The following PCDHGB4 variants were observed in gnomAD, a reference collection of about 807,000 sequenced individuals.
PCDHGB4 encodes the protein protocadherin gamma-B4.
PCDHGB4 carries 38 observed loss-of-function variants against 60.5 expected under a neutral mutation model. The observed-to-expected ratio is 0.63, with a 90% CI of 0.48 to 0.82. The LOEUF is 0.82. PCDHGB4 is among the 40% of genes least tolerant of loss of function. PCDHGB4 has a pLI of 0.00. For missense variants in PCDHGB4, 1,109 were observed against 1,209.6 expected, an observed-to-expected ratio of 0.92 and a Z score of 1.23; for synonymous variants, 456 against 509.7, an observed-to-expected ratio of 0.89 and a Z score of 1.42.
chr5:141,398,789 C>G (rs1400897772), intron 1 of PCDHGB4: 5 of 1,613,778 alleles, frequency 3.1e-6, no homozygotes, highest in Non-Finnish European at 4.2e-6. Context: ...GGACATCCAC[C>G]CCTAAGCGGC....
intron 1 of PCDHGB4, chr5:141,409,843 C>G: frequency 6.2e-7 from 1 of 1,611,804 alleles, no homozygotes; most frequent in Non-Finnish European, 8.5e-7. Context: ...CCAACGTGAG[C>G]CTGCGCGTGT....
chr5:141,432,650 G>T lies in PCDHGB4; in HGVS notation c.2397+42369G>T. 6.2e-7 allele frequency: 1 copy of T among 1,613,868 alleles called. No individual in the cohort carries two copies. The highest frequency in any genetic ancestry group is 1.1e-5 in the South Asian group (1 of 91,064). On this transcript the variant is annotated intron_variant, in intron 1 of 3. Transcript: ENST00000519479. The surrounding 1 kb of genome is among the most constrained non-coding windows in gnomAD (Gnocchi z 6.0). The stretch of plus-strand genomic sequence containing the variant: ...CACGGGCGAGGTGCGCACGGCGCGA[G>T]CCCTGCTGGACAGAGACGCGCTCAA...
chr5:141,404,215 G>A, intron 1 of PCDHGB4: 1 of 1,613,346 alleles, frequency 6.2e-7, no homozygotes, highest in Non-Finnish European at 8.5e-7. Context: ...ATAATATCAC[G>A]GTGACTGCAA....
At chr5:141,422,806 C>T (rs868426196) in intron 1 of PCDHGB4, 2 of 1,614,208 alleles carry the variant, frequency 1.2e-6, no homozygotes, top group Non-Finnish European at 1.7e-6. Flanking sequence ...TGAGCAGTTT[C>T]GAGACTTAGA....
chr5:141,399,559 G>C, intron 1 of PCDHGB4: 1 of 1,614,038 alleles, frequency 6.2e-7, no homozygotes, highest in Non-Finnish European at 8.5e-7. Context: ...CCTGGACTTG[G>C]GGTTGAACGG....
chr5:141,477,298 T>C lies in PCDHGB4; in HGVS notation c.2398-17509T>C. ...TGGTGACCTGCGAAGTTCCACCGGG[T>C]CTCCCTTTCAGCCTTACTTCTTCCC... On this transcript the variant is annotated intron_variant, in intron 1 of 3. Coordinates refer to ENST00000519479, the MANE Select transcript of PCDHGB4 (RefSeq NM_003736.4). This position sits in a 1 kb window ranked among gnomAD's most constrained non-coding sequence, Gnocchi z 4.9. 1 of 1,613,344 alleles carries C rather than the reference T, an allele frequency of 6.2e-7. No individual in the cohort carries two copies. Among genetic ancestry groups the C allele is most frequent in the Non-Finnish European group, 8.5e-7 (1 of 1,179,870 alleles).
At chr5:141,462,547 T>G (rs534942187) in intron 1 of PCDHGB4, among the ~76,000 whole-genome samples, 1 of 152,330 alleles carries the variant, frequency 6.6e-6, no homozygotes, top group African/African-American at 2.4e-5. Flanking sequence ...TCTTTTCTTC[T>G]TCAGTGTTTA....
intron 2 of PCDHGB4, among the ~76,000 whole-genome samples, chr5:141,496,991 G>T (rs1164558685): frequency 6.6e-6 from 1 of 151,902 alleles, no homozygotes; most frequent in African/African-American, 2.4e-5. Context: ...TTTGAGACCA[G>T]CCTGGCAGCC....
At chr5:141,394,290 G>C (rs759077173) in intron 1 of PCDHGB4, 5 of 1,613,918 alleles carry the variant, frequency 3.1e-6, no homozygotes, top group Admixed American at 1.7e-5. Context: ...CTCTGTGACC[G>C]AGGACACGCT....
chr5:141,420,683 G>A (rs1308504595), intron 1 of PCDHGB4, among the ~76,000 whole-genome samples: 1 of 152,190 alleles, frequency 6.6e-6, no homozygotes, highest in Non-Finnish European at 1.5e-5. Context: ...ATTTTATCGG[G>A]ACCGTATTAT....
intron 1 of PCDHGB4, chr5:141,419,315 C>G (rs2096357855): frequency 1.2e-6 from 2 of 1,613,998 alleles, no homozygotes; most frequent in Non-Finnish European, 1.7e-6. Flanking sequence ...GCTCAACGGC[C>G]GTGTCTCCTA....
intron 1 of PCDHGB4, chr5:141,394,242 CACGACCCCG>C (rs1450725417): frequency 1.2e-6 from 2 of 1,613,838 alleles, no homozygotes; most frequent in Non-Finnish European, 1.7e-6. Flanking sequence ...CTTGACTGCA[CACGACCCCG>C]ACAGCCAGGA....
chr5:141,390,518 T>G (rs1045172175), intron 1 of PCDHGB4: 1 of 570,806 alleles, frequency 1.8e-6, no homozygotes, highest in Non-Finnish European at 3.0e-6. Flanking sequence ...TATAAAGCAA[T>G]GAGGGTGTGG....
At chr5:141,412,057 T>C (rs1426056647) in intron 1 of PCDHGB4, 1 of 152,202 alleles carries the variant, frequency 6.6e-6, no homozygotes, top group Non-Finnish European at 1.5e-5. Flanking sequence ...TCTATACCCT[T>C]TGCATTTGAG....
At chr5:141,397,926 A>T in intron 1 of PCDHGB4, 1 of 753,888 alleles carries the variant, frequency 1.3e-6, no homozygotes, top group Non-Finnish European at 2.1e-6. Context: ...CTCCTCGCGC[A>T]GCCGCAGCGC....
chr5:141,420,401 A>G, intron 1 of PCDHGB4: 1 of 1,249,172 alleles, frequency 8.0e-7, no homozygotes. Flanking sequence ...GGTCAAATTT[A>G]TGGTTATCAT....
chr5:141,422,678 A>G, intron 1 of PCDHGB4: 1 of 1,606,250 alleles, frequency 6.2e-7, no homozygotes, highest in Non-Finnish European at 8.5e-7. Flanking sequence ...GACAGCAAAC[A>G]GAATGCCCTG....
At position 141,434,771 on chromosome 5, in the gene PCDHGB4, TA is replaced by T. The variant is rs36031641; in HGVS notation, c.2397+44503del. On this transcript the variant is annotated intron_variant, in intron 1 of 3. Transcript: ENST00000519479. ...CCCCTGATTCCCCACTTCACACTTC[TA>T]AAAAAAAAAAAATTTTTTTTTCTGA... 2.5e-3 allele frequency among the ~76,000 whole-genome samples: 362 copies of T among 145,286 alleles called. 1 individual carries two copies. The highest frequency in any genetic ancestry group is 0.011 in the Middle Eastern group (3 of 280).
intron 1 of PCDHGB4, among the ~76,000 whole-genome samples, chr5:141,407,771 A>G (rs1414886829): frequency 6.6e-6 from 1 of 152,246 alleles, no homozygotes; most frequent in East Asian, 1.9e-4. Context: ...GAAATTGTGC[A>G]TAATAGATTT....
Sources: allele counts gnomAD v4.1 joint callset (sites outside exome capture counted in the v4.1 genomes callset), GRCh38; gene constraint gnomAD v4.1.1; non-coding constraint Gnocchi (gnomAD v3.1); transcripts MANE v1.5; gene names NCBI Gene and HGNC (gene_info 2026-07-23, HGNC 2026-07-21).